Variants in CCDC14 observed in about 807,000 individuals in gnomAD.
The protein encoded by CCDC14 is coiled-coil domain-containing protein 14.
CCDC14 carries 71 observed loss-of-function variants against 81.4 expected under a neutral mutation model. The ratio of observed to expected loss-of-function variants is 0.87; its 90% CI spans 0.72 to 1.06. The LOEUF is 1.06. Ranked by LOEUF, CCDC14 falls within the 50% of genes least tolerant of loss-of-function variation. The pLI is 0.00. For missense variants in CCDC14, 1,046 were observed against 1,047.3 expected (o/e 1.00, Z 0.02); for synonymous variants, 332 against 364.8 (o/e 0.91, Z 1.03).
At chr3:123,927,252 A>C (rs1249292967) in intron 12 of CCDC14, among the ~76,000 whole-genome samples, 3 of 149,694 alleles carry the variant, frequency 2.0e-5, no homozygotes, top group Non-Finnish European at 3.0e-5. Context: ...CTAAAAGTAA[A>C]AAAAAAAAAA....
intron 9 of CCDC14, among the ~76,000 whole-genome samples, chr3:123,936,359 C>T (rs1257763492): frequency 6.6e-6 from 1 of 151,850 alleles, no homozygotes; most frequent in Non-Finnish European, 1.5e-5. Flanking sequence ...GCAAATATTT[C>T]TTTTATTCAA....
chr3:123,914,693 ACAT>A lies in CCDC14; in HGVS notation c.*83_*85del. On this transcript the variant is annotated 3_prime_UTR_variant, in exon 13 of 13. Transcript: ENST00000409697. Reference sequence around the variant, plus strand: ...ATTACTTCACACATAATAACATAAAACATCATTTCACTAAAGAAAAATACACAT... The same window carrying A: ...ATTACTTCACACATAATAACATAAAACATTTCACTAAAGAAAAATACACAT... 1 of 1,444,522 alleles carries A rather than the reference ACAT, an allele frequency of 6.9e-7. No individual in the cohort carries two copies. The highest frequency in any genetic ancestry group is 1.4e-5 in the African/African-American group (1 of 69,766). The allele number at this position is 1,444,522 out of a possible 1,614,324, so 89.5% of individuals were successfully genotyped here.
Position 123,931,299 on chromosome 3 carries a change from A to C in CCDC14, c.1645+9T>G, listed in dbSNP as rs2035690128. 1 of 1,553,334 alleles carries C rather than the reference A, an allele frequency of 6.4e-7. No individual in the cohort carries two copies. Among genetic ancestry groups the C allele is most frequent in the South Asian group, 1.2e-5 (1 of 83,790 alleles). ...AAGATGTGACCATAACTACTGTCTAAATACGTACCAATTTTTATTCTTGTT... is the reference window on the plus strand; with the variant it reads ...AAGATGTGACCATAACTACTGTCTACATACGTACCAATTTTTATTCTTGTT... On this transcript the variant is annotated intron_variant, in intron 11 of 12. Transcript: ENST00000409697.
intron 12 of CCDC14, among the ~76,000 whole-genome samples, chr3:123,918,645 G>GA (rs1216743909): frequency 2.0e-5 from 3 of 152,176 alleles, no homozygotes; most frequent in African/African-American, 7.2e-5. Context: ...TTCTACCACA[G>GA]AAAAAGAAAG....
At chr3:123,947,700 C>A (rs2036731273) in intron 7 of CCDC14, among the ~76,000 whole-genome samples, 1 of 152,086 alleles carries the variant, frequency 6.6e-6, no homozygotes, top group African/African-American at 2.4e-5. Flanking sequence ...CCTTGTAATG[C>A]TCCCATATTA....
At chr3:123,920,120 T>C (rs557862243) in intron 12 of CCDC14, among the ~76,000 whole-genome samples, 3 of 152,112 alleles carry the variant, frequency 2.0e-5, no homozygotes, top group East Asian at 1.9e-4. Context: ...GTATCTAAAC[T>C]GAAAAATTCA....
chr3:123,905,832 A>G (rs1392902418), intron 5 of CCDC14, among the ~76,000 whole-genome samples: 1 of 152,256 alleles, frequency 6.6e-6, no homozygotes. Flanking sequence ...TAAAGGTATC[A>G]GAAACAATGG....
At chr3:123,940,412 T>C (rs1414198386) in intron 9 of CCDC14, among the ~76,000 whole-genome samples, 1 of 152,002 alleles carries the variant, frequency 6.6e-6, no homozygotes, top group African/African-American at 2.4e-5. Flanking sequence ...CTTGAGACTA[T>C]GGAATACTGT....
At chr3:123,923,691 CAAG>C (rs2035179357) in intron 12 of CCDC14, among the ~76,000 whole-genome samples, 1 of 150,882 alleles carries the variant, frequency 6.6e-6, no homozygotes, top group East Asian at 1.9e-4. Context: ...AAAATTTAAC[CAAG>C]GAGGTGAACA....
At chr3:123,909,902 T>A (rs115361398), downstream of CCDC14, among the ~76,000 whole-genome samples, 1,038 of 152,272 alleles carry the variant, frequency 6.8e-3, 15 homozygotes, top group African/African-American at 0.024. Flanking sequence ...CAACATCTGG[T>A]TAAGGTGTTA....
chr3:123,945,854 G>C (rs2036598090), intron 8 of CCDC14, among the ~76,000 whole-genome samples: 1 of 151,992 alleles, frequency 6.6e-6, no homozygotes, highest in Non-Finnish European at 1.5e-5. Flanking sequence ...TATTTATTTT[G>C]AGACGGAGTC....
downstream of CCDC14, among the ~76,000 whole-genome samples, chr3:123,910,040 T>C (rs990096972): frequency 1.3e-5 from 2 of 152,168 alleles, no homozygotes; most frequent in Admixed American, 6.5e-5. Context: ...CACTGAGAGT[T>C]TGTGGTAAAC....
chr3:123,942,873 C>T (rs1358981645), intron 9 of CCDC14, among the ~76,000 whole-genome samples: 3 of 151,940 alleles, frequency 2.0e-5, no homozygotes, highest in Admixed American at 1.3e-4. Flanking sequence ...CTACATCTTT[C>T]CTAAACAAAT....
the CCDC14 span, among the ~76,000 whole-genome samples, chr3:123,887,102 T>A: frequency 7.9e-5 from 12 of 152,216 alleles, no homozygotes; most frequent in Non-Finnish European, 1.6e-4. Context: ...AAAACAGTTT[T>A]TTTTGCATAT....
chr3:123,945,081 A>G, intron 8 of CCDC14, 91 bp from the exon 9 acceptor site: 1 of 686,640 alleles, frequency 1.5e-6, no homozygotes, highest in South Asian at 4.0e-5. Flanking sequence ...ATCTTTATAG[A>G]TATGTACATT....
Position 123,949,065 on chromosome 3 carries a change from G to A in CCDC14, c.420C>T (p.Asp140=). 1 of 1,612,976 alleles carries A rather than the reference G, an allele frequency of 6.2e-7. No individual in the cohort carries two copies. Residue 140 remains aspartate, a synonymous_variant, in exon 6 of 13, where the codon GAC becomes GAT. Coordinates refer to ENST00000409697, the MANE Select transcript of CCDC14 (RefSeq NM_001366335.1). ...ASARSERDTS[D]LEQNWSLQDH... The stretch of plus-strand genomic sequence containing the variant: ...CTTGCAATGACCAGTTTTGCTCTAG[G>A]TCTGATGTGTCTCTTTCACTTCTAG...
In CCDC14 at chr3:123,933,627, C is replaced by T. The variant is rs781671775; in HGVS notation, c.1426+46G>A. 18 of 1,311,708 alleles carry T rather than the reference C, an allele frequency of 1.4e-5. 1 individual carries two copies. In the South Asian group the frequency reaches 2.2e-4, roughly 16 times the overall value. The allele number at this position is 1,311,708 out of a possible 1,614,324, so 81.3% of individuals were successfully genotyped here. On this transcript the variant is annotated intron_variant, in intron 10 of 12. Transcript: ENST00000409697. ...AAAGCTCAATTCTTTATCAACATTT[C>T]CGGAGCCACAAATAATTTATCAATC...
intron 9 of CCDC14, among the ~76,000 whole-genome samples, chr3:123,937,230 GAT>G (rs1269041744): frequency 6.6e-6 from 1 of 152,104 alleles, no homozygotes; most frequent in East Asian, 1.9e-4. Flanking sequence ...TCATATGTTA[GAT>G]ATATGTTTAA....
chr3:123,960,972 C>A (rs889260924), intron 1 of CCDC14, among the ~76,000 whole-genome samples, 172 bp downstream of exon 1: 1 of 152,192 alleles, frequency 6.6e-6, no homozygotes, highest in Non-Finnish European at 1.5e-5. Flanking sequence ...AGAGACCGAG[C>A]GGCCGTGTTA....
Sources: allele counts gnomAD v4.1 joint callset (sites outside exome capture counted in the v4.1 genomes callset), GRCh38; gene constraint gnomAD v4.1.1; transcripts MANE v1.5; gene names NCBI Gene and HGNC (gene_info 2026-07-23, HGNC 2026-07-21).